Variants in ITPKB observed in about 807,000 individuals in gnomAD.
The protein encoded by ITPKB is IP3 3-kinase B.
ITPKB carries 13 observed loss-of-function variants against 69.4 expected under a neutral mutation model. That is an observed-to-expected ratio of 0.19 (90% CI 0.12 to 0.30). ITPKB has a LOEUF of 0.30. Among genes scored for constraint, ITPKB ranks in the 10% least tolerant of loss-of-function variants. The pLI is 1.00. For missense variants in ITPKB, 1,240 were observed against 1,250.5 expected (o/e 0.99, Z 0.13); for synonymous variants, 584 against 513.7 (o/e 1.14, Z -1.85).
chr1:226,670,946 A>G (rs1011349871), intron 2 of ITPKB, among the ~76,000 whole-genome samples: 5 of 152,234 alleles, frequency 3.3e-5, no homozygotes, highest in Non-Finnish European at 7.3e-5. Context: ...TTTACAATGT[A>G]AAAAATATAC....
rs1668954788 is a variant in ITPKB at position 226,641,233 on chromosome 1, T to A, written c.2451+688A>T. Reference sequence around the variant, plus strand: ...AAAGTAAATCAACATTTGAACATAATCATGTATAGGAAGCTTCTGTGTGCC... The same window carrying A: ...AAAGTAAATCAACATTTGAACATAAACATGTATAGGAAGCTTCTGTGTGCC... On this transcript the variant is annotated intron_variant, in intron 5 of 7. Coordinates refer to ENST00000429204, the MANE Select transcript of ITPKB (RefSeq NM_002221.4). This position sits in a 1 kb window ranked among gnomAD's most constrained non-coding sequence, Gnocchi z 4.6. Among the ~76,000 whole-genome samples the A allele has an allele frequency of 6.6e-6, 1 of 152,144 alleles. No individual in the cohort carries two copies. The highest frequency in any genetic ancestry group is 2.4e-5 in the African/African-American group (1 of 41,426).
At chr1:226,681,143 C>G (rs990294645) in intron 2 of ITPKB, among the ~76,000 whole-genome samples, 2 of 152,202 alleles carry the variant, frequency 1.3e-5, no homozygotes, top group Non-Finnish European at 2.9e-5. Context: ...ATGTCAAACC[C>G]AGTCGTCTGG....
At chr1:226,725,094 C>T (rs1388681950) in intron 2 of ITPKB, among the ~76,000 whole-genome samples, 1 of 152,238 alleles carries the variant, frequency 6.6e-6, no homozygotes, top group Admixed American at 6.5e-5. Context: ...TGCATGCCAG[C>T]ACCAACCCAT....
At chr1:226,708,484 G>A (rs1656864991) in intron 2 of ITPKB, among the ~76,000 whole-genome samples, 1 of 152,134 alleles carries the variant, frequency 6.6e-6, no homozygotes, top group South Asian at 2.1e-4. Context: ...GAGACATTCT[G>A]GTCAATGAGA....
At chr1:226,698,293 G>A (rs986131154) in intron 2 of ITPKB, among the ~76,000 whole-genome samples, 8 of 152,204 alleles carry the variant, frequency 5.3e-5, no homozygotes, top group Admixed American at 3.3e-4. Context: ...AAGCAGCTAC[G>A]ACAGCTCATT....
Position 226,736,696 on chromosome 1 carries a change from C to G in ITPKB, c.763G>C (p.Val255Leu). ...GSEAQGPSAF[V>L]RMEKGIPASP... ...GCAGGGATACCCTTCTCCATCCTTACAAAAGCGGATGGACCCTGAGCCTCT... is the reference window on the plus strand; with the variant it reads ...GCAGGGATACCCTTCTCCATCCTTAGAAAAGCGGATGGACCCTGAGCCTCT... The change falls in exon 2 of 8, where the codon GTA becomes CTA. Residue 255 changes from valine to leucine, a missense_variant. Coordinates refer to ENST00000429204, the MANE Select transcript of ITPKB (RefSeq NM_002221.4). 6.2e-7 allele frequency: 1 copy of G among 1,612,950 alleles called. No homozygotes were observed. The highest frequency in any genetic ancestry group is 8.5e-7 in the Non-Finnish European group (1 of 1,179,826).
intron 2 of ITPKB, among the ~76,000 whole-genome samples, chr1:226,684,307 C>A (rs1216270175): frequency 6.6e-6 from 1 of 152,190 alleles, no homozygotes; most frequent in Non-Finnish European, 1.5e-5. Flanking sequence ...TACTCACTGT[C>A]CAGCTGGCCA....
At chr1:226,678,327 G>A (rs1388967523) in intron 2 of ITPKB, among the ~76,000 whole-genome samples, 1 of 152,210 alleles carries the variant, frequency 6.6e-6, no homozygotes, top group African/African-American at 2.4e-5. Flanking sequence ...AAACTTAGGA[G>A]AGGGCAAAGG....
chr1:226,720,729 A>G (rs892327104), intron 2 of ITPKB, among the ~76,000 whole-genome samples: 6 of 152,246 alleles, frequency 3.9e-5, no homozygotes, highest in African/African-American at 1.2e-4. Context: ...TAGTAAAATT[A>G]TAACTCCCAG....
At chr1:226,663,164 C>T (rs1669433180) in intron 2 of ITPKB, among the ~76,000 whole-genome samples, 1 of 152,210 alleles carries the variant, frequency 6.6e-6, no homozygotes, top group African/African-American at 2.4e-5. Flanking sequence ...TTTTCATAAA[C>T]AGATTGACTC....
chr1:226,703,719 C>T (rs1017201883), intron 2 of ITPKB, among the ~76,000 whole-genome samples: 1 of 152,232 alleles, frequency 6.6e-6, no homozygotes, highest in African/African-American at 2.4e-5. Context: ...GCTTGCGCTC[C>T]CCCAGGCGGG....
rs3831353 is a variant in ITPKB at position 226,636,752 on chromosome 1, CTGTGTGTGTGTGTG to C, written c.2625+913_2625+926del. On this transcript the variant is annotated intron_variant, in intron 7 of 7. Transcript: ENST00000429204. The stretch of plus-strand genomic sequence containing the variant: ...ATTAGCCAGCCCCAGGACTGCAGCT[CTGTGTGTGTGTGTG>C]TGTGTGTGTGTGTGTGTGTGTGTGT... Among the ~76,000 whole-genome samples the C allele has an allele frequency of 9.7e-4, 136 of 140,090 alleles. 2 individuals carry two copies. The South Asian group carries it at 0.029, about 30-fold the overall frequency. The allele number at this position is 140,090 out of a possible 152,430, so 91.9% of individuals were successfully genotyped here.
chr1:226,690,327 T>C (rs1412058961), intron 2 of ITPKB, among the ~76,000 whole-genome samples: 3 of 152,186 alleles, frequency 2.0e-5, no homozygotes, highest in South Asian at 2.1e-4. Flanking sequence ...TTACATTTAA[T>C]ATGGATCCCA....
At chr1:226,649,916 G>C (rs983651283) in intron 2 of ITPKB, among the ~76,000 whole-genome samples, 5 of 152,108 alleles carry the variant, frequency 3.3e-5, no homozygotes, top group Non-Finnish European at 5.9e-5. Flanking sequence ...ACAGGCTGCA[G>C]AGATGAAGAT....
chr1:226,662,143 G>GGATCTGA (rs1182184533), intron 2 of ITPKB, among the ~76,000 whole-genome samples: 4 of 152,062 alleles, frequency 2.6e-5, no homozygotes, highest in South Asian at 2.1e-4. Flanking sequence ...CAGGGACCTG[G>GGATCTGA]GATCTGAAAT....
intron 2 of ITPKB, among the ~76,000 whole-genome samples, chr1:226,734,208 G>A (rs1015117415): frequency 1.3e-5 from 2 of 152,218 alleles, no homozygotes; most frequent in East Asian, 3.9e-4. Flanking sequence ...CAGGGGCCCT[G>A]TCCTAGCCAC....
chr1:226,652,764 G>A (rs1055970851), intron 2 of ITPKB, among the ~76,000 whole-genome samples: 7 of 152,196 alleles, frequency 4.6e-5, no homozygotes, highest in East Asian at 1.9e-4. Flanking sequence ...GACACCTCCC[G>A]GAGTGCTCCC....
chr1:226,736,063 C>A lies in ITPKB; in HGVS notation c.1396G>T (p.Val466Leu). The change falls in exon 2 of 8, where the codon GTG becomes TTG. Residue 466 changes from valine to leucine, a missense_variant. Around this residue, in one of 2 missense-constraint regions of ITPKB, gnomAD observed 992 missense variants for 853.8 expected, o/e 1.16. Coordinates refer to ENST00000429204, the MANE Select transcript of ITPKB (RefSeq NM_002221.4). ...SPSAQPGTGN[V>L]EAGIPSGRML... ...CTGCCAGAAGGAATTCCCGCCTCCA[C>A]ATTCCCGGTCCCCGGCTGTGCTGAG... 6.2e-7 allele frequency: 1 copy of A among 1,613,158 alleles called. No individual in the cohort carries two copies. Among genetic ancestry groups the A allele is most frequent in the Non-Finnish European group, 8.5e-7 (1 of 1,179,856 alleles).
intron 2 of ITPKB, among the ~76,000 whole-genome samples, chr1:226,704,843 ACTTTT>A (rs1413998171): frequency 6.6e-6 from 1 of 152,248 alleles, no homozygotes; most frequent in Admixed American, 6.5e-5. Flanking sequence ...AGCTGGAATG[ACTTTT>A]CTTAAAGTCA....
Sources: gnomAD v4.1 joint callset for allele counts (sites outside exome capture counted in the v4.1 genomes callset) on GRCh38, gnomAD v4.1.1 for gene constraint, gnomAD v4.1.1 regional missense constraint, Gnocchi (gnomAD v3.1) non-coding constraint, MANE v1.5 for transcripts, NCBI Gene and HGNC (gene_info 2026-07-23, HGNC 2026-07-21) for gene names.